Variants in TUB observed in about 807,000 individuals in gnomAD.
TUB encodes the protein TUB bipartite transcription factor.
A neutral mutation model predicts 59.7 loss-of-function variants in TUB; 33 were observed. That is an observed-to-expected ratio of 0.55 (90% CI 0.42 to 0.74). The LOEUF is 0.74. Ranked by LOEUF, TUB falls within the 30% of genes least tolerant of loss-of-function variation. The probability of loss-of-function intolerance (pLI) is 0.00; values close to 1 mark genes in which losing one functional copy is unlikely to be tolerated. For synonymous variants in TUB, 293 were observed against 256.4 expected, an observed-to-expected ratio of 1.14 and a Z score of -1.36; for missense variants, 659 against 672.0, an observed-to-expected ratio of 0.98 and a Z score of 0.21.
At chr11:8,044,790 T>A (rs371519807) in intron 2 of TUB, among the ~76,000 whole-genome samples, 1 of 152,352 alleles carries the variant, frequency 6.6e-6, no homozygotes, top group South Asian at 2.1e-4. Flanking sequence ...TGCTCAGGTA[T>A]GAACATTTGC....
intron 3 of TUB, among the ~76,000 whole-genome samples, 181 bp from the exon 4 acceptor site, chr11:8,093,865 G>A (rs1943864951): frequency 6.6e-6 from 1 of 152,154 alleles, no homozygotes; most frequent in African/African-American, 2.4e-5. Context: ...GCCTGCCCTG[G>A]AATCTTTGCC....
intron 5 of TUB, among the ~76,000 whole-genome samples, chr11:8,096,281 G>A (rs763073126): frequency 7.9e-5 from 12 of 152,210 alleles, no homozygotes; most frequent in Non-Finnish European, 1.2e-4. Context: ...CGTGGTCTAT[G>A]CCAGCCAAGG....
intron 2 of TUB, among the ~76,000 whole-genome samples, chr11:8,054,822 A>T (rs1042258618): frequency 1.2e-4 from 18 of 152,224 alleles, no homozygotes; most frequent in Non-Finnish European, 1.3e-4. Flanking sequence ...TGGGAGGCAC[A>T]TGGCACATCT....
rs1944372915 is a variant in TUB at position 8,103,064 on chromosome 11, G to C, written c.*1445G>C. The C allele has an allele frequency of 6.6e-6, 1 of 152,254 alleles. No homozygotes were observed. Among genetic ancestry groups the C allele is most frequent in the African/African-American group, 2.4e-5 (1 of 41,440 alleles). The allele number at this position is 152,254 out of a possible 1,614,324, so 9.4% of individuals were successfully genotyped here. A position where few individuals can be genotyped will look rare whatever the true frequency, so the allele number is the denominator to read the frequency against. The stretch of plus-strand genomic sequence containing the variant: ...GCTTTTTGCACGTGAGTATGATCCA[G>C]GATTGGCCTGTGTCTGGCCCCTCCG... On this transcript the variant is annotated 3_prime_UTR_variant, in exon 12 of 12. Coordinates refer to ENST00000299506, the MANE Select transcript of TUB (RefSeq NM_177972.3).
intron 3 of TUB, among the ~76,000 whole-genome samples, chr11:8,091,095 T>A (rs1379340185): frequency 6.6e-6 from 1 of 152,228 alleles, no homozygotes; most frequent in Non-Finnish European, 1.5e-5. Context: ...GGCTTCGTTA[T>A]GACCTGGAGC....
rs1009777896 is a variant in TUB, at chr11:8,101,727, A to G, written c.*108A>G. 1 of 1,466,058 alleles carries G rather than the reference A, an allele frequency of 6.8e-7. No homozygotes were observed. Among genetic ancestry groups the G allele is most frequent in the Non-Finnish European group, 9.0e-7 (1 of 1,107,272 alleles). 90.8% of individuals were successfully genotyped at this position (1,466,058 alleles called of 1,614,324 possible). On this transcript the variant is annotated 3_prime_UTR_variant, in exon 12 of 12. Transcript: ENST00000299506. ...TGTATATAGGCCTTCCGCCAGATGAAGCTTTGGCCCTCAGTGGGCTCCCTG... is the reference window on the plus strand; with the variant it reads ...TGTATATAGGCCTTCCGCCAGATGAGGCTTTGGCCCTCAGTGGGCTCCCTG...
chr11:8,052,335 A>G (rs73396740), intron 2 of TUB, among the ~76,000 whole-genome samples: 1,570 of 152,302 alleles, frequency 0.01, 22 homozygotes, highest in African/African-American at 0.033. Context: ...CAAGGATGTT[A>G]ATATAAGTAA....
At chr11:8,052,775 G>A (rs887650764) in intron 2 of TUB, among the ~76,000 whole-genome samples, 17 of 151,982 alleles carry the variant, frequency 1.1e-4, no homozygotes, top group Non-Finnish European at 4.4e-5. Context: ...GTGCCCGGCC[G>A]GACCTTTTTA....
In TUB at chr11:8,049,561, GTATATA is replaced by G. The variant is rs372881525; in HGVS notation, c.203+9884_203+9889del. 2.2e-3 allele frequency among the ~76,000 whole-genome samples: 272 copies of G among 124,284 alleles called. 3 individuals are homozygous for G. The highest frequency in any genetic ancestry group is 3.3e-3 in the South Asian group (12 of 3,690). 81.5% of individuals were successfully genotyped at this position (124,284 alleles called of 152,430 possible). A position where few individuals can be genotyped will look rare whatever the true frequency, so the allele number is the denominator to read the frequency against. On this transcript the variant is annotated intron_variant, in intron 2 of 12. Coordinates refer to the TUB transcript ENST00000305253. The stretch of plus-strand genomic sequence containing the variant: ...TTTAGAACCATGGTGGTATTATGTG[GTATATA>G]TATATATATATATAGATAGATAGAT...
intron 2 of TUB, among the ~76,000 whole-genome samples, chr11:8,061,381 A>T (rs1210653632): frequency 6.6e-6 from 1 of 152,076 alleles, no homozygotes; most frequent in African/African-American, 2.4e-5. Context: ...GGCAGGGAGG[A>T]TGAGAGAGCT....
intron 2 of TUB, among the ~76,000 whole-genome samples, chr11:8,065,969 C>A (rs954084275): frequency 6.6e-6 from 1 of 152,186 alleles, no homozygotes; most frequent in Non-Finnish European, 1.5e-5. Flanking sequence ...AGTCATATCG[C>A]GGTGAAGCGT....
intron 2 of TUB, among the ~76,000 whole-genome samples, chr11:8,054,592 C>T (rs1486081106): frequency 1.3e-5 from 2 of 152,182 alleles, no homozygotes; most frequent in African/African-American, 4.8e-5. Flanking sequence ...TCTCCCAGCC[C>T]GAATGTCTGT....
chr11:8,030,771 G>C (rs1942558354), intron 1 of TUB, among the ~76,000 whole-genome samples: 1 of 152,174 alleles, frequency 6.6e-6, no homozygotes, highest in Non-Finnish European at 1.5e-5. Context: ...TTTGGAGTCA[G>C]GGAGGGCTGG....
At chr11:8,089,026 T>A (rs375702018) in intron 1 of TUB, among the ~76,000 whole-genome samples, 2 of 152,166 alleles carry the variant, frequency 1.3e-5, no homozygotes, top group East Asian at 3.8e-4. Context: ...TTCTCTCAAA[T>A]GAGAAGGAGG....
upstream of TUB, among the ~76,000 whole-genome samples, chr11:8,079,589 G>A (rs1163072802): frequency 6.6e-6 from 1 of 152,162 alleles, no homozygotes; most frequent in Non-Finnish European, 1.5e-5. Flanking sequence ...CATCAATGTT[G>A]TGCCCGACAG....
At chr11:8,048,464 C>T (rs1479427134) in intron 2 of TUB, among the ~76,000 whole-genome samples, 1 of 151,734 alleles carries the variant, frequency 6.6e-6, no homozygotes, top group East Asian at 1.9e-4. Context: ...CATGGTGATG[C>T]GATCATGGCT....
Position 8,100,630 on chromosome 11 carries a change from T to C in TUB, c.1215+29T>C, listed in dbSNP as rs563111156. ...AGTGTCTACCCCTTCCTCCCCTCTTTCCCCATCATCCTAGTCTCTGCATGA... is the reference window on the plus strand; with the variant it reads ...AGTGTCTACCCCTTCCTCCCCTCTTCCCCCATCATCCTAGTCTCTGCATGA... On this transcript the variant is annotated intron_variant, in intron 10 of 11. Transcript: ENST00000299506. The C allele has an allele frequency of 1.6e-5, 25 of 1,599,394 alleles. No homozygotes were observed. The East Asian group carries it at 2.5e-4, about 16-fold the overall frequency.
At chr11:8,093,089 T>C (rs1435200915) in intron 3 of TUB, among the ~76,000 whole-genome samples, 2 of 152,084 alleles carry the variant, frequency 1.3e-5, no homozygotes, top group Non-Finnish European at 2.9e-5. Flanking sequence ...GGAGAGACAA[T>C]GTTAAACAGA....
chr11:8,050,693 C>T (rs919915506), intron 2 of TUB, among the ~76,000 whole-genome samples: 8 of 152,056 alleles, frequency 5.3e-5, no homozygotes, highest in East Asian at 1.9e-4. Flanking sequence ...ATAAATAAAA[C>T]GGCCTGGTTA....
Sources: gnomAD v4.1 joint callset for allele counts (sites outside exome capture counted in the v4.1 genomes callset) on GRCh38, gnomAD v4.1.1 for gene constraint, MANE v1.5 for transcripts, NCBI Gene and HGNC (gene_info 2026-07-23, HGNC 2026-07-21) for gene names.